SSBP2: variants seen among roughly 807,000 people sequenced by gnomAD.
SSBP2 encodes single stranded DNA binding protein 2, also known as single-stranded DNA-binding protein 2.
A neutral mutation model predicts 61.8 loss-of-function variants in SSBP2; 17 were observed. The observed-to-expected ratio is 0.28, with a 90% CI of 0.19 to 0.41. SSBP2 has a LOEUF of 0.41. Among genes scored for constraint, SSBP2 ranks in the 10% least tolerant of loss-of-function variants. SSBP2 has a pLI of 1.00. For missense variants in SSBP2, 310 were observed against 458.7 expected, an observed-to-expected ratio of 0.68 and a Z score of 2.96; for synonymous variants, 139 against 141.3, an observed-to-expected ratio of 0.98 and a Z score of 0.12.
chr5:81,588,879 C>T (rs565095664), intron 4 of SSBP2, among the ~76,000 whole-genome samples: 15 of 151,994 alleles, frequency 9.9e-5, no homozygotes, highest in Non-Finnish European at 2.1e-4. Context: ...GCCTGGGTAA[C>T]GTGATAAAAC....
chr5:81,640,146 T>A (rs1013141081), intron 2 of SSBP2, among the ~76,000 whole-genome samples: 9 of 151,916 alleles, frequency 5.9e-5, no homozygotes, highest in Non-Finnish European at 1.2e-4. Context: ...GGTCAGGAGT[T>A]TAAGCCAAAA....
In SSBP2 at chr5:81,745,826, TCTAA is replaced by T. The variant is rs575247156; in HGVS notation, c.62+5151_62+5154del. Reference sequence around the variant, plus strand: ...ATTGTTTTTTCCCCCAAATTTTACTTCTAACTCTCAACTACTGAGGTGAAGTATT... The same window carrying T: ...ATTGTTTTTTCCCCCAAATTTTACTTCTCTCAACTACTGAGGTGAAGTATT... On this transcript the variant is annotated intron_variant, in intron 1 of 16. Coordinates refer to ENST00000320672, the MANE Select transcript of SSBP2 (RefSeq NM_012446.5). Among the ~76,000 whole-genome samples, 192 of 152,224 alleles carry T rather than the reference TCTAA, an allele frequency of 1.3e-3. 2 individuals are homozygous for T. Among genetic ancestry groups the T allele is most frequent in the Admixed American group, 3.6e-3 (55 of 15,292 alleles).
intron 1 of SSBP2, among the ~76,000 whole-genome samples, chr5:81,672,948 C>G (rs961990992): frequency 6.6e-6 from 1 of 151,582 alleles, no homozygotes; most frequent in Non-Finnish European, 1.5e-5. Flanking sequence ...GCGATTCTCA[C>G]GCCTCAGCCT....
intron 4 of SSBP2, among the ~76,000 whole-genome samples, chr5:81,571,798 C>T (rs928137154): frequency 6.6e-6 from 1 of 151,996 alleles, no homozygotes; most frequent in Non-Finnish European, 1.5e-5. Flanking sequence ...CTTCTGGCTG[C>T]CTTTTCCTAT....
chr5:81,640,433 A>G (rs1456800312), intron 2 of SSBP2, among the ~76,000 whole-genome samples: 1 of 152,164 alleles, frequency 6.6e-6, no homozygotes, highest in African/African-American at 2.4e-5. Flanking sequence ...GAAGTTAGAA[A>G]AACTACATAT....
chr5:81,654,699 G>T (rs1158180372), intron 1 of SSBP2, among the ~76,000 whole-genome samples: 5 of 152,164 alleles, frequency 3.3e-5, no homozygotes, highest in Non-Finnish European at 7.3e-5. Flanking sequence ...AGAAAGTTCT[G>T]GGGGAACAGC....
chr5:81,493,300 A>T (rs888226900), intron 5 of SSBP2, among the ~76,000 whole-genome samples: 12 of 144,736 alleles, frequency 8.3e-5, no homozygotes, highest in South Asian at 4.4e-4. Flanking sequence ...ATAGATAGAT[A>T]GATTAACAGG....
At chr5:81,684,798 T>C (rs781634759) in intron 1 of SSBP2, among the ~76,000 whole-genome samples, 3 of 152,142 alleles carry the variant, frequency 2.0e-5, no homozygotes, top group Non-Finnish European at 2.9e-5. Context: ...CTGTGGACTT[T>C]TGAGTTAATG....
chr5:81,510,533 C>T (rs958027858), intron 5 of SSBP2, among the ~76,000 whole-genome samples: 1 of 152,020 alleles, frequency 6.6e-6, no homozygotes, highest in African/African-American at 2.4e-5. Context: ...GAGGCCAAGG[C>T]GGGCAGATAA....
chr5:81,511,771 C>T (rs980719143), intron 5 of SSBP2, among the ~76,000 whole-genome samples: 8 of 152,094 alleles, frequency 5.3e-5, no homozygotes, highest in African/African-American at 1.2e-4. Flanking sequence ...TAATGCCTCA[C>T]GGGCTATACA....
intron 11 of SSBP2, among the ~76,000 whole-genome samples, chr5:81,448,415 T>C (rs1037570094): frequency 6.6e-6 from 1 of 152,216 alleles, no homozygotes; most frequent in Non-Finnish European, 1.5e-5. Context: ...GAAAGTTTAA[T>C]GTCTTCTTAG....
intron 16 of SSBP2, among the ~76,000 whole-genome samples, chr5:81,421,381 TG>T (rs936591433): frequency 6.6e-6 from 1 of 152,024 alleles, no homozygotes; most frequent in Non-Finnish European, 1.5e-5. Flanking sequence ...TTTGTAGAGA[TG>T]GGGTTTCACC....
intron 6 of SSBP2, among the ~76,000 whole-genome samples, chr5:81,488,578 G>A (rs1766608775): frequency 6.6e-6 from 1 of 151,856 alleles, no homozygotes; most frequent in Admixed American, 6.6e-5. Context: ...TATACTTTAA[G>A]TTTTAGGGTA....
chr5:81,636,032 G>C (rs1317524528), intron 3 of SSBP2, among the ~76,000 whole-genome samples: 1 of 152,218 alleles, frequency 6.6e-6, no homozygotes, highest in Non-Finnish European at 1.5e-5. Context: ...TTTGGAGATG[G>C]GGTCTTTGGG....
intron 5 of SSBP2, among the ~76,000 whole-genome samples, chr5:81,507,878 A>T (rs923943238): frequency 6.6e-6 from 1 of 152,194 alleles, no homozygotes; most frequent in African/African-American, 2.4e-5. Flanking sequence ...CAAAAGAATT[A>T]GTACTTTTGT....
intron 1 of SSBP2, among the ~76,000 whole-genome samples, chr5:81,693,839 A>G (rs1270025582): frequency 1.3e-5 from 2 of 152,228 alleles, no homozygotes; most frequent in Non-Finnish European, 1.5e-5. Context: ...TATACACCCA[A>G]AAGAAAGAAA....
chr5:81,607,960 C>T (rs1745038376), intron 4 of SSBP2, among the ~76,000 whole-genome samples: 1 of 152,128 alleles, frequency 6.6e-6, no homozygotes, highest in African/African-American at 2.4e-5. Context: ...GTCAGTCTAC[C>T]TAGTGTGGTA....
At chr5:81,587,453 T>C (rs1581098990) in intron 4 of SSBP2, among the ~76,000 whole-genome samples, 1 of 152,122 alleles carries the variant, frequency 6.6e-6, no homozygotes, top group East Asian at 1.9e-4. Context: ...CGCTTGGGGT[T>C]GGGCACGGTG....
At chr5:81,680,813 G>GT (rs552571203) in intron 1 of SSBP2, among the ~76,000 whole-genome samples, 1 of 152,172 alleles carries the variant, frequency 6.6e-6, no homozygotes, top group Admixed American at 6.5e-5. Context: ...ACCTACTATT[G>GT]TATTATACTT....
Sources: gnomAD v4.1 joint callset for allele counts (sites outside exome capture counted in the v4.1 genomes callset) on GRCh38, gnomAD v4.1.1 for gene constraint, MANE v1.5 for transcripts, NCBI Gene and HGNC (gene_info 2026-07-23, HGNC 2026-07-21) for gene names.